The following CYP2A6 variants were observed in gnomAD, a reference collection of about 807,000 sequenced individuals.
The protein encoded by CYP2A6 is cytochrome P450 2A6.
CYP2A6 carries 27 observed loss-of-function variants against 42.3 expected under a neutral mutation model. That is an observed-to-expected ratio of 0.64 (90% CI 0.47 to 0.88). The LOEUF is 0.88. CYP2A6 is among the 40% of genes least tolerant of loss of function. The pLI, the probability that CYP2A6 is intolerant of heterozygous loss-of-function variation, is 0.00. For missense variants in CYP2A6, 628 were observed against 646.0 expected (o/e 0.97, Z 0.30); for synonymous variants, 238 against 246.3 (o/e 0.97, Z 0.31).
At chr19:40,845,214 C>T in intron 7 of CYP2A6, 80 bp downstream of exon 7, 1 of 1,577,144 alleles carries the variant, frequency 6.3e-7, no homozygotes, top group Non-Finnish European at 8.7e-7. Context: ...GTCTAGAAAG[C>T]TTCTAATGTG....
chr19:40,844,588 G>C (rs1260948177), intron 8 of CYP2A6, 43 bp downstream of exon 8: 2 of 1,610,722 alleles, frequency 1.2e-6, no homozygotes, highest in Admixed American at 1.7e-5. Context: ...GGAGGCCCCT[G>C]CTGGTGTGAG....
At position 40,848,439 on chromosome 19, in the gene CYP2A6, G is replaced by A. The variant is rs572206869; in HGVS notation, c.494-60C>T. ...GAGTCAACTCAGAGGTCTGAGGAGA[G>A]TCAGAATTCCAGGAGGCAGGGCCTT... is the stretch of plus-strand genomic sequence containing the variant. On this transcript the variant is annotated intron_variant, in intron 3 of 8. Coordinates refer to ENST00000301141, the MANE Select transcript of CYP2A6 (RefSeq NM_000762.6). The A allele has an allele frequency of 6.0e-5, 97 of 1,604,718 alleles. 5 individuals carry two copies. The East Asian group carries it at 6.9e-4, about 11-fold the overall frequency.
At chr19:40,847,196 G>C in intron 4 of CYP2A6, 145 bp from the exon 5 acceptor site, 1 of 1,293,410 alleles carries the variant, frequency 7.7e-7, no homozygotes, top group Middle Eastern at 2.8e-4. Context: ...GGGCCGGATA[G>C]GAACTTATAT....
chr19:40,848,175 C>T (rs1967132945), intron 4 of CYP2A6, 44 bp downstream of exon 4: 1 of 1,603,204 alleles, frequency 6.2e-7, no homozygotes, highest in Admixed American at 1.7e-5. Context: ...GAGCAGTTGG[C>T]AGGTTGTGGT....
rs1231669707 is a variant in CYP2A6, at chr19:40,848,686, C to G, written c.421G>C (p.Gly141Arg). Residue 141 changes from glycine to arginine, a missense_variant, in exon 3 of 9, where the codon GGC becomes CGC. By Grantham distance (125) the Gly-to-Arg change is moderately radical. Coordinates refer to ENST00000301141, the MANE Select transcript of CYP2A6 (RefSeq NM_000762.6). ...ATGCGCTCCTCGATGCCTCGCTTGC[C>G]CACCCCGAAGTCCCGCAGGGTGGCG... ...SIATLRDFGV[G>R]KRGIEERIQE... The G allele has an allele frequency of 6.2e-7, 1 of 1,611,964 alleles. No individual in the cohort carries two copies. Among genetic ancestry groups the G allele is most frequent in the Non-Finnish European group, 8.5e-7 (1 of 1,179,906 alleles).
intron 1 of CYP2A6, 25 bp downstream of exon 1, chr19:40,850,222 C>T: frequency 6.3e-7 from 1 of 1,598,558 alleles, no homozygotes. Context: ...CACCCCGTGC[C>T]ACCCATCTCC....
chr19:40,849,137 C>A (rs2145126025), intron 2 of CYP2A6, among the ~76,000 whole-genome samples: 2 of 129,826 alleles, frequency 1.5e-5, no homozygotes, highest in South Asian at 5.0e-4. Flanking sequence ...AAAGGCCAGA[C>A]AGAGAGATGC....
At position 40,848,322 on chromosome 19, in the gene CYP2A6, G is replaced by A; in HGVS notation, c.551C>T (p.Ser184Phe). 1 of 1,611,994 alleles carries A rather than the reference G, an allele frequency of 6.2e-7. No homozygotes were observed. Among genetic ancestry groups the A allele is most frequent in the Non-Finnish European group, 8.5e-7 (1 of 1,179,956 alleles). Reference sequence around the variant, plus strand: ...GTCAAAGCGGTCCCCAAAGACAATGGAGCTGATGACATTGGAGACTGTGCG... The same window carrying A: ...GTCAAAGCGGTCCCCAAAGACAATGAAGCTGATGACATTGGAGACTGTGCG... ...LSRTVSNVIS[S>F]IVFGDRFDYK... Residue 184 changes from serine to phenylalanine, a missense_variant, in exon 4 of 9, where the codon TCC (serine) becomes TTC (phenylalanine). By Grantham distance (155) the Ser-to-Phe change is radical. Transcript: ENST00000301141.
At chr19:40,849,040 AG>A (rs1967168534) in intron 2 of CYP2A6, among the ~76,000 whole-genome samples, 11 of 40,776 alleles carry the variant, frequency 2.7e-4, no homozygotes, top group African/African-American at 8.7e-4. Context: ...GAGAGAAGAG[AG>A]AGAGGAGAGA....
chr19:40,845,603 A>G lies in CYP2A6; in HGVS notation c.974-122T>C, dbSNP rs2083452634. The G allele has an allele frequency of 2.7e-5, 39 of 1,458,296 alleles. No homozygotes were observed. In the South Asian group the frequency reaches 4.7e-4, roughly 18 times the overall value. 90.3% of individuals were successfully genotyped at this position (1,458,296 alleles called of 1,614,324 possible). ...CCTATGAGACGGAAGTAGAGCATTCATAACAGAACAGACATCAGCCATTCG... is the reference window on the plus strand; with the variant it reads ...CCTATGAGACGGAAGTAGAGCATTCGTAACAGAACAGACATCAGCCATTCG... On this transcript the variant is annotated intron_variant, in intron 6 of 8. Coordinates refer to ENST00000301141, the MANE Select transcript of CYP2A6 (RefSeq NM_000762.6).
In CYP2A6 at chr19:40,845,342, G is replaced by A; in HGVS notation, c.1113C>T (p.Ala371=). The change falls in exon 7 of 9, where the codon GCC becomes GCT. Residue 371 remains alanine, a synonymous_variant. Coordinates refer to ENST00000301141, the MANE Select transcript of CYP2A6 (RefSeq NM_000762.6). ...ACTTGGTGTCCTTTTTGACTCTGCG[G>A]GCCAAACTCATGGGGATCACGTCTC... ...RFGDVIPMSL[A]RRVKKDTKFR... 6.2e-7 allele frequency: 1 copy of A among 1,611,598 alleles called. No individual in the cohort carries two copies. Among genetic ancestry groups the A allele is most frequent in the Non-Finnish European group, 8.5e-7 (1 of 1,179,870 alleles).
At chr19:40,845,537 A>G in intron 6 of CYP2A6, 56 bp from the exon 7 acceptor site, 1 of 1,596,328 alleles carries the variant, frequency 6.3e-7, no homozygotes, top group Admixed American at 1.7e-5. Context: ...GCAGGAAATG[A>G]TAGTCCGAAT....
intron 4 of CYP2A6, 149 bp from the exon 5 acceptor site, chr19:40,847,200 C>G: frequency 7.8e-7 from 1 of 1,274,602 alleles, no homozygotes; most frequent in Non-Finnish European, 1.1e-6. Flanking sequence ...CGGATAGGAA[C>G]TTATATCTAA....
In CYP2A6 at chr19:40,843,695, A is replaced by C. The variant is rs1319250720; in HGVS notation, c.*101T>G. ...GCCACCACGCCCCTTCCTTTCCGCC[A>C]TCCTGCCCCCAGTCTTAGCTGCGCC... On this transcript the variant is annotated 3_prime_UTR_variant, in exon 9 of 9. Transcript: ENST00000301141. The C allele has an allele frequency of 1.5e-5, 19 of 1,285,516 alleles. 3 individuals carry two copies. The highest frequency in any genetic ancestry group is 3.0e-5 in the African/African-American group (2 of 67,658). The allele number at this position is 1,285,516 out of a possible 1,614,324, so 79.6% of individuals were successfully genotyped here.
Position 40,845,362 on chromosome 19 carries a change from C to A in CYP2A6, c.1093G>T (p.Val365Leu). ...VIHEIQRFGD[V>L]IPMSLARRVK... is the part of the protein sequence containing the mutation. ...CTGCGGGCCAAACTCATGGGGATCA[C>A]GTCTCCAAATCTTTGGATCTCGTGG... The change falls in exon 7 of 9, where the codon GTG becomes TTG. Residue 365 changes from valine (V) to leucine (L), a missense_variant. Transcript: ENST00000301141. 6.2e-7 allele frequency: 1 copy of A among 1,611,520 alleles called. No individual in the cohort carries two copies. The highest frequency in any genetic ancestry group is 1.3e-5 in the African/African-American group (1 of 74,532).
Position 40,848,624 on chromosome 19 carries a change from C to T in CYP2A6, c.483G>A (p.Arg161=). ...GGGTCCCCTGCTCACCGCCAGTGCC[C>T]CGGAGGGCGTCGATGAGGAAGCCCG... ...EEAGFLIDAL[R]GTGGANIDPT... The change falls in exon 3 of 9, where the codon CGG becomes CGA. Residue 161 remains arginine, a synonymous_variant. Coordinates refer to ENST00000301141, the MANE Select transcript of CYP2A6 (RefSeq NM_000762.6). 2 of 1,611,530 alleles carry T rather than the reference C, an allele frequency of 1.2e-6. No individual in the cohort carries two copies. Among genetic ancestry groups the T allele is most frequent in the East Asian group, 2.3e-5 (1 of 43,348 alleles).
chr19:40,848,351 C>G lies in CYP2A6; in HGVS notation c.522G>C (p.Leu174=), dbSNP rs777357483. The G allele has an allele frequency of 6.2e-7, 1 of 1,611,850 alleles. No individual in the cohort carries two copies. The highest frequency in any genetic ancestry group is 8.5e-7 in the Non-Finnish European group (1 of 1,179,932). Residue 174 remains leucine, a synonymous_variant, in exon 4 of 9, where the codon CTG becomes CTC. Coordinates refer to ENST00000301141, the MANE Select transcript of CYP2A6 (RefSeq NM_000762.6). ...TGATGACATTGGAGACTGTGCGGCTCAGGAAGAAGGTGGGATCGATATTGG... is the reference window on the plus strand; with the variant it reads ...TGATGACATTGGAGACTGTGCGGCTGAGGAAGAAGGTGGGATCGATATTGG... The part of the protein sequence containing the change: ...GGANIDPTFF[L]SRTVSNVISS...
chr19:40,849,485 A>C (rs559469574), intron 2 of CYP2A6, among the ~76,000 whole-genome samples: 2 of 151,488 alleles, frequency 1.3e-5, no homozygotes, highest in African/African-American at 2.4e-5. Flanking sequence ...AGAAGCTAAG[A>C]GGGACAAAAA....
At chr19:40,849,793 T>C in intron 2 of CYP2A6, 25 bp downstream of exon 2, 1 of 1,608,296 alleles carries the variant, frequency 6.2e-7, no homozygotes, top group Non-Finnish European at 8.5e-7. Context: ...CCTGGCCACC[T>C]TCCCCCTCTT....
Sources: gnomAD v4.1 joint callset for allele counts (sites outside exome capture counted in the v4.1 genomes callset) on GRCh38, gnomAD v4.1.1 for gene constraint, MANE v1.5 for transcripts, NCBI Gene and HGNC (gene_info 2026-07-23, HGNC 2026-07-21) for gene names.